PCNX1: variants seen among roughly 807,000 people sequenced by gnomAD.
PCNX1 encodes pecanex 1.
In PCNX1, 78 loss-of-function variants were observed where a neutral mutation model predicts 242.2. The observed-to-expected ratio is 0.32, with a 90% CI of 0.27 to 0.39. The LOEUF (loss-of-function observed/expected upper bound fraction) is 0.39. PCNX1 is among the 10% of genes least tolerant of loss of function. PCNX1 has a pLI of 1.00. For synonymous variants in PCNX1, 1,024 were observed against 1,032.9 expected, an observed-to-expected ratio of 0.99 and a Z score of 0.17; for missense variants, 2,581 against 2,856.5, an observed-to-expected ratio of 0.90 and a Z score of 2.20.
intron 30 of PCNX1, among the ~76,000 whole-genome samples, chr14:71,092,223 G>A (rs2062153749): frequency 6.6e-6 from 1 of 152,234 alleles, no homozygotes; most frequent in African/African-American, 2.4e-5. Flanking sequence ...AGCTTCCACT[G>A]TTACTACACC....
chr14:70,974,752 T>C (rs1566642905), intron 5 of PCNX1, among the ~76,000 whole-genome samples: 1 of 152,010 alleles, frequency 6.6e-6, no homozygotes, highest in East Asian at 1.9e-4. Flanking sequence ...ATGAGCAGTA[T>C]GTCTTTCTTA....
chr14:70,971,634 A>G (rs2058545672), intron 5 of PCNX1, among the ~76,000 whole-genome samples: 1 of 152,234 alleles, frequency 6.6e-6, no homozygotes, highest in Admixed American at 6.5e-5. Flanking sequence ...ATCAACATAT[A>G]CTGTAGTAAG....
intron 29 of PCNX1, 151 bp downstream of exon 29, chr14:71,088,581 T>C: frequency 1.9e-6 from 1 of 515,946 alleles, no homozygotes; most frequent in South Asian, 3.2e-5. Flanking sequence ...TTCTTGAACA[T>C]AGGTGAGCTG....
In PCNX1 at chr14:71,105,437, CTAGGTAATGTGAAACAAAGTTA is replaced by C; in HGVS notation, c.6301_6301+21del. 1 of 1,611,200 alleles carries C rather than the reference CTAGGTAATGTGAAACAAAGTTA, an allele frequency of 6.2e-7. No homozygotes were observed. The highest frequency in any genetic ancestry group is 8.5e-7 in the Non-Finnish European group (1 of 1,177,434). On this transcript the variant is annotated splice_donor_variant and splice_donor_5th_base_variant and coding_sequence_variant and intron_variant, in exon 33 of 36. Coordinates refer to ENST00000304743, the MANE Select transcript of PCNX1 (RefSeq NM_014982.3). LOFTEE classifies it high-confidence loss of function. ...ACCTGTCACATCTTATCCTCCAACA[CTAGGTAATGTGAAACAAAGTTA>C]TATGTCTAATGTTAGCTTCTTAGCC...
intron 1 of PCNX1, among the ~76,000 whole-genome samples, chr14:70,922,826 A>C (rs1357332870): frequency 6.6e-6 from 1 of 151,704 alleles, no homozygotes; most frequent in Non-Finnish European, 1.5e-5. Context: ...TACGTATATA[A>C]GACTTGTGGG....
chr14:71,004,954 C>T (rs1183101509), intron 8 of PCNX1, among the ~76,000 whole-genome samples: 1 of 152,052 alleles, frequency 6.6e-6, no homozygotes, highest in Admixed American at 6.5e-5. Context: ...GTTTTTATAG[C>T]CCCTCTCTGC....
In PCNX1 at chr14:71,112,990, A is replaced by G. The variant is rs1224349059; in HGVS notation, c.*3055A>G. On this transcript the variant is annotated 3_prime_UTR_variant, in exon 36 of 36. Coordinates refer to ENST00000304743, the MANE Select transcript of PCNX1 (RefSeq NM_014982.3). ...GTTTTTGGTTAATCTTCCAACTTATACCTTGGTGTGAACTCTCTTTTTACA... is the reference window on the plus strand; with the variant it reads ...GTTTTTGGTTAATCTTCCAACTTATGCCTTGGTGTGAACTCTCTTTTTACA... The G allele has an allele frequency of 1.3e-5, 2 of 152,184 alleles. No individual in the cohort carries two copies. Among genetic ancestry groups the G allele is most frequent in the African/African-American group, 4.8e-5 (2 of 41,446 alleles). The allele number at this position is 152,184 out of a possible 1,614,324, so 9.4% of individuals were successfully genotyped here.
At chr14:71,103,248 TTTAAA>T (rs2062511491) in intron 31 of PCNX1, 142 bp from the exon 32 acceptor site, 2 of 857,350 alleles carry the variant, frequency 2.3e-6, no homozygotes. Flanking sequence ...CTACCTCCTA[TTTAAA>T]TGTGACCTAC....
intron 1 of PCNX1, among the ~76,000 whole-genome samples, chr14:70,928,524 A>G (rs2140141493): frequency 6.6e-6 from 1 of 152,346 alleles, no homozygotes; most frequent in Admixed American, 6.5e-5. Context: ...ACTGATAAAT[A>G]AAAGAGTGAT....
chr14:70,925,421 G>A (rs1351675615), intron 1 of PCNX1, among the ~76,000 whole-genome samples: 1 of 152,064 alleles, frequency 6.6e-6, no homozygotes, highest in Non-Finnish European at 1.5e-5. Flanking sequence ...TTACTGTCAA[G>A]CATACTGTTT....
In PCNX1 at chr14:71,015,748, TAATC is replaced by T. The variant is rs377443325; in HGVS notation, c.2996+2550_2996+2553del. ...TAAGATGGATTATAAAAATTACTGTTAATCAATAAGGTGGAAAAAGATCAAAGAA... is the reference window on the plus strand; with the variant it reads ...TAAGATGGATTATAAAAATTACTGTTAATAAGGTGGAAAAAGATCAAAGAA... On this transcript the variant is annotated intron_variant, in intron 11 of 35. Transcript: ENST00000304743. Among the ~76,000 whole-genome samples the T allele has an allele frequency of 4.7e-3, 720 of 152,274 alleles. 4 individuals are homozygous for T. Among genetic ancestry groups the T allele is most frequent in the African/African-American group, 0.015 (644 of 41,552 alleles).
chr14:70,951,482 C>G (rs1411551372), intron 2 of PCNX1, among the ~76,000 whole-genome samples: 1 of 152,070 alleles, frequency 6.6e-6, no homozygotes, highest in Non-Finnish European at 1.5e-5. Flanking sequence ...TCAAACGGTT[C>G]TCCTGCCTCA....
Position 71,081,147 on chromosome 14 carries a change from T to A in PCNX1, c.5337+4728T>A, listed in dbSNP as rs915103763. 2.6e-5 allele frequency among the ~76,000 whole-genome samples: 4 copies of A among 152,296 alleles called. No individual in the cohort carries two copies. In the East Asian group the frequency reaches 7.7e-4, roughly 29 times the overall value. On this transcript the variant is annotated intron_variant, in intron 28 of 35. Coordinates refer to ENST00000304743, the MANE Select transcript of PCNX1 (RefSeq NM_014982.3). ...ATAATCATGTGGTTTTTGTCATTGG[T>A]TCTGTTTATGTGATGGATTACGTTT...
intron 2 of PCNX1, among the ~76,000 whole-genome samples, chr14:70,952,582 T>C (rs1299437501): frequency 8.5e-6 from 1 of 117,140 alleles, no homozygotes; most frequent in African/African-American, 3.3e-5. Context: ...CTATGAGAGA[T>C]TTTTTTTTTG....
chr14:70,955,818 G>A (rs1391102921), intron 2 of PCNX1, among the ~76,000 whole-genome samples: 1 of 151,500 alleles, frequency 6.6e-6, no homozygotes, highest in East Asian at 1.9e-4. Context: ...TTTTACTTCT[G>A]AATTTATAGA....
intron 8 of PCNX1, among the ~76,000 whole-genome samples, chr14:71,006,507 G>C (rs2140475102): frequency 6.6e-6 from 1 of 152,132 alleles, no homozygotes; most frequent in Admixed American, 6.5e-5. Flanking sequence ...ATGTGAGAAG[G>C]ACATATTTCT....
intron 30 of PCNX1, among the ~76,000 whole-genome samples, chr14:71,095,576 A>G (rs2062252512): frequency 6.6e-6 from 1 of 152,184 alleles, no homozygotes. Flanking sequence ...CAGTAATTTG[A>G]TATATCTTTT....
chr14:71,101,521 C>A (rs1336376599), intron 30 of PCNX1, among the ~76,000 whole-genome samples: 1 of 152,130 alleles, frequency 6.6e-6, no homozygotes, highest in East Asian at 1.9e-4. Flanking sequence ...TGTATCTTAA[C>A]TAGGTGAGAG....
rs200860121 is a variant in PCNX1 at position 71,057,732 on chromosome 14, A to G, written c.4852+8A>G. Reference sequence around the variant, plus strand: ...GGGGACTTGAATTCAGAGGTAAGACATTCATTCACCTTTTATTTCTGTAGC... The same window carrying G: ...GGGGACTTGAATTCAGAGGTAAGACGTTCATTCACCTTTTATTTCTGTAGC... On this transcript the variant is annotated splice_region_variant and intron_variant, in intron 26 of 35. Transcript: ENST00000304743. 11 of 1,585,532 alleles carry G rather than the reference A, an allele frequency of 6.9e-6. No homozygotes were observed. Among genetic ancestry groups the G allele is most frequent in the African/African-American group, 2.7e-5 (2 of 74,342 alleles).
Sources: allele counts gnomAD v4.1 joint callset (sites outside exome capture counted in the v4.1 genomes callset), GRCh38; gene constraint gnomAD v4.1.1; transcripts MANE v1.5; gene names NCBI Gene and HGNC (gene_info 2026-07-23, HGNC 2026-07-21).